EIF2S3: variants seen among roughly 807,000 people sequenced by gnomAD.
EIF2S3 encodes eukaryotic translation initiation factor 2 subunit gamma.
A neutral mutation model predicts 31.7 loss-of-function variants in EIF2S3; 2 were observed. The observed-to-expected ratio is 0.06, with a 90% CI of 0.03 to 0.20. The LOEUF is 0.20. EIF2S3 is among the 10% of genes least tolerant of loss of function. The pLI, the probability that EIF2S3 is intolerant of heterozygous loss-of-function variation, is 1.00. For synonymous variants in EIF2S3, 120 were observed against 126.7 expected (o/e 0.95, Z 0.36); for missense variants, 96 against 359.3 (o/e 0.27, Z 5.92).
Position 24,057,633 on chromosome X carries a change from A to G in EIF2S3, c.262A>G (p.Ile88Val), listed in dbSNP as rs1930423949. 8.3e-7 allele frequency: 1 copy of G among 1,209,921 alleles called. No homozygotes were observed. Among genetic ancestry groups the G allele is most frequent in the Middle Eastern group, 2.3e-4 (1 of 4,335 alleles). Residue 88 changes from isoleucine (I) to valine (V), a missense_variant and splice_region_variant, in exon 4 of 12, where the codon ATT becomes GTT. Ile to Val is a conservative substitution (Grantham distance 29, BLOSUM62 3). This residue lies in a region of EIF2S3 where 22 missense variants were observed against 34.5 expected (regional missense o/e 0.64). Coordinates refer to ENST00000253039, the MANE Select transcript of EIF2S3 (RefSeq NM_001415.4). ...TIKLGYANAK[I>V]YKLDDPSCPR... is the part of the protein sequence containing the mutation. Reference sequence around the variant, plus strand: ...AAATCTTTTTTTATTGAAATTTTAGATTTATAAGCTTGATGACCCAAGTTG... The same window carrying G: ...AAATCTTTTTTTATTGAAATTTTAGGTTTATAAGCTTGATGACCCAAGTTG...
chrX:24,073,028 A>G, intron 10 of EIF2S3, 63 bp from the exon 11 acceptor site: 2 of 1,101,490 alleles, frequency 1.8e-6, no homozygotes, highest in African/African-American at 3.7e-5. Flanking sequence ...GTAAATTCTT[A>G]CTTACATTTG....
chrX:24,062,807 G>A lies in EIF2S3; in HGVS notation c.637+233G>A, dbSNP rs186522171. Reference sequence around the variant, plus strand: ...TTTGCTGGCAGCAAGTTAGAACTGAGGTTGTTTTCTGGAAACTTTATCAAT... The same window carrying A: ...TTTGCTGGCAGCAAGTTAGAACTGAAGTTGTTTTCTGGAAACTTTATCAAT... On this transcript the variant is annotated intron_variant, in intron 6 of 11. Coordinates refer to ENST00000253039, the MANE Select transcript of EIF2S3 (RefSeq NM_001415.4). Among the ~76,000 whole-genome samples, 7 of 110,383 alleles carry A rather than the reference G, an allele frequency of 6.3e-5. No homozygotes were observed. In the East Asian group the frequency reaches 2.0e-3, roughly 31 times the overall value.
At chrX:24,074,862 C>T (rs376489939) in intron 11 of EIF2S3, among the ~76,000 whole-genome samples, 47 of 47,458 alleles carry the variant, frequency 9.9e-4, no homozygotes, top group East Asian at 5.4e-3. Flanking sequence ...TTTTCTTCTT[C>T]TTTTTTTTTT....
rs1480825541 is a variant in EIF2S3, at chrX:24,055,044, T to A, written c.69+7T>A. 2 of 1,209,111 alleles carry A rather than the reference T, an allele frequency of 1.7e-6. No homozygotes were observed. Among genetic ancestry groups the A allele is most frequent in the East Asian group, 5.9e-5 (2 of 33,776 alleles). ...TCAGGATCTCACCACCTTGGTGAGG[T>A]TTTGCTTGGGGAGGATGCAGAGTGA... On this transcript the variant is annotated splice_region_variant and intron_variant, in intron 1 of 11. Coordinates refer to ENST00000253039, the MANE Select transcript of EIF2S3 (RefSeq NM_001415.4).
At chrX:24,067,927 A>G in intron 8 of EIF2S3, 37 bp from the exon 9 acceptor site, 1 of 1,143,115 alleles carries the variant, frequency 8.7e-7, no homozygotes, top group Non-Finnish European at 1.2e-6. Flanking sequence ...AATTTTGCGT[A>G]ACACAGTAAT....
intron 5 of EIF2S3, among the ~76,000 whole-genome samples, chrX:24,061,273 A>G (rs1306143698): frequency 1.0e-5 from 1 of 97,112 alleles, no homozygotes; most frequent in African/African-American, 3.9e-5. Flanking sequence ...AAAAAAAAAA[A>G]AAGCTGGGTG....
At chrX:24,057,905 A>G (rs1196754717) in intron 4 of EIF2S3, 151 bp downstream of exon 4, 1 of 697,984 alleles carries the variant, frequency 1.4e-6, no homozygotes, top group Non-Finnish European at 2.0e-6. Context: ...GAAATCTGAA[A>G]AGTCAAGCAT....
chrX:24,071,629 G>A lies in EIF2S3; in HGVS notation c.1084G>A (p.Gly362Arg). Residue 362 changes from glycine to arginine, a missense_variant, in exon 10 of 12, where the codon GGA becomes AGA. Physicochemically the swap from Gly to Arg is moderately radical, Grantham distance 125 (BLOSUM62 -2). Transcript: ENST00000253039. ...RMVGQVLGAV[G>R]ALPEIFTELE... ...GGTGGGGCAAGTACTTGGTGCAGTCGGAGCTTTACCTGAGATATTCACAGA... is the reference window on the plus strand; with the variant it reads ...GGTGGGGCAAGTACTTGGTGCAGTCAGAGCTTTACCTGAGATATTCACAGA... 2.5e-6 allele frequency: 3 copies of A among 1,211,273 alleles called. No homozygotes were observed. Among genetic ancestry groups the A allele is most frequent in the Non-Finnish European group, 2.2e-6 (2 of 895,395 alleles).
chrX:24,065,003 A>C (rs1381701138), intron 7 of EIF2S3, among the ~76,000 whole-genome samples: 1 of 111,979 alleles, frequency 8.9e-6, no homozygotes, highest in Non-Finnish European at 1.9e-5. Context: ...TGATACTGGT[A>C]TAATTTGATC....
At chrX:24,074,721 G>A (rs1486085846) in intron 11 of EIF2S3, among the ~76,000 whole-genome samples, 1 of 109,871 alleles carries the variant, frequency 9.1e-6, no homozygotes, top group Non-Finnish European at 1.9e-5. Flanking sequence ...GACTCATGGA[G>A]TCCTATTTTA....
chrX:24,070,637 A>G (rs1447502342), intron 9 of EIF2S3, among the ~76,000 whole-genome samples: 1 of 108,921 alleles, frequency 9.2e-6, no homozygotes, highest in Non-Finnish European at 1.9e-5. Flanking sequence ...GGGTTTTGCC[A>G]TGTTGGCTAG....
chrX:24,055,049 C>T lies in EIF2S3; in HGVS notation c.69+12C>T, dbSNP rs772346610. On this transcript the variant is annotated intron_variant, in intron 1 of 11. Coordinates refer to ENST00000253039, the MANE Select transcript of EIF2S3 (RefSeq NM_001415.4). ...ATCTCACCACCTTGGTGAGGTTTTG[C>T]TTGGGGAGGATGCAGAGTGAGCTCA... 2.2e-5 allele frequency: 27 copies of T among 1,209,909 alleles called. No individual in the cohort carries two copies. Among genetic ancestry groups the T allele is most frequent in the South Asian group, 3.5e-5 (2 of 56,924 alleles).
intron 11 of EIF2S3, among the ~76,000 whole-genome samples, chrX:24,074,382 G>T (rs1930717806): frequency 3.6e-5 from 4 of 112,013 alleles, no homozygotes; most frequent in Non-Finnish European, 7.5e-5. Context: ...ATATCTGACT[G>T]CTCCTCTTTG....
intron 5 of EIF2S3, among the ~76,000 whole-genome samples, chrX:24,061,738 C>A (rs2147126830): frequency 9.0e-6 from 1 of 110,903 alleles, no homozygotes; most frequent in South Asian, 3.8e-4. Flanking sequence ...TGAAGAGTAG[C>A]CTCTGATATT....
At chrX:24,070,029 A>T (rs1167090685) in intron 9 of EIF2S3, among the ~76,000 whole-genome samples, 1 of 109,881 alleles carries the variant, frequency 9.1e-6, no homozygotes, top group East Asian at 2.9e-4. Context: ...TACTGTAATG[A>T]TAACCCCCAT....
chrX:24,071,119 T>C (rs1431182401), intron 9 of EIF2S3, among the ~76,000 whole-genome samples: 1 of 111,559 alleles, frequency 9.0e-6, no homozygotes, highest in Non-Finnish European at 1.9e-5. Context: ...ATAGCTATTA[T>C]ATGAGTATAA....
chrX:24,066,659 A>AC lies in EIF2S3; in HGVS notation c.867+573dup, dbSNP rs1011612074. ...CTCCCAAGTAGCTGGGATTACAAGC[A>AC]CCCCCCACCATGCCCAGCTAATTTT... On this transcript the variant is annotated intron_variant, in intron 8 of 11. Coordinates refer to ENST00000253039, the MANE Select transcript of EIF2S3 (RefSeq NM_001415.4). Among the ~76,000 whole-genome samples the AC allele has an allele frequency of 1.2e-4, 13 of 107,611 alleles. No homozygotes were observed. The South Asian group carries it at 4.4e-3, about 37-fold the overall frequency. 93.4% of individuals were successfully genotyped at this position (107,611 alleles called of 115,157 possible).
chrX:24,067,622 T>C (rs1930598350), intron 8 of EIF2S3, among the ~76,000 whole-genome samples: 1 of 108,718 alleles, frequency 9.2e-6, no homozygotes, highest in South Asian at 4.0e-4. Context: ...ACAGAGTCTC[T>C]CTTTGTCACC....
At position 24,055,135 on chromosome X, in the gene EIF2S3, T is replaced by C; in HGVS notation, c.69+98T>C. On this transcript the variant is annotated intron_variant, in intron 1 of 11. Coordinates refer to ENST00000253039, the MANE Select transcript of EIF2S3 (RefSeq NM_001415.4). ...GACTAGTCAGTGTCGGGAGCATGGG[T>C]CAGGAGCCTGGGTCAGGAGGGAGAC... is the stretch of plus-strand genomic sequence containing the variant. 3.0e-6 allele frequency: 3 copies of C among 998,142 alleles called. No homozygotes were observed. The South Asian group carries it at 6.1e-5, about 20-fold the overall frequency. The allele number at this position is 998,142 out of a possible 1,213,427, so 82.3% of individuals were successfully genotyped here.
Sources: allele counts gnomAD v4.1 joint callset (sites outside exome capture counted in the v4.1 genomes callset), GRCh38; gene constraint gnomAD v4.1.1; regional missense constraint gnomAD v4.1.1; transcripts MANE v1.5; gene names NCBI Gene and HGNC (gene_info 2026-07-23, HGNC 2026-07-21).